CCDC187: variants seen among roughly 807,000 people sequenced by gnomAD.
CCDC187 encodes coiled-coil domain containing 187.
A neutral mutation model predicts 38.0 loss-of-function variants in CCDC187; 32 were observed. The ratio of observed to expected loss-of-function variants is 0.84; its 90% CI spans 0.64 to 1.13. The LOEUF (loss-of-function observed/expected upper bound fraction) is 1.13. Ranked by LOEUF, CCDC187 falls within the 50% of genes most tolerant of loss-of-function variation. CCDC187 has a pLI of 0.00. For missense variants in CCDC187, 707 were observed against 786.8 expected, an observed-to-expected ratio of 0.90 and a Z score of 1.21; for synonymous variants, 333 against 347.9, an observed-to-expected ratio of 0.96 and a Z score of 0.48.
rs1375124216 is a variant in CCDC187 at position 136,263,690 on chromosome 9, G to A, written c.3844C>T (p.Leu1282Phe). 2 of 985,444 alleles carry A rather than the reference G, an allele frequency of 2.0e-6. No individual in the cohort carries two copies. Among genetic ancestry groups the A allele is most frequent in the Non-Finnish European group, 2.4e-6 (2 of 829,918 alleles). The allele number at this position is 985,444 out of a possible 1,614,324, so 61.0% of individuals were successfully genotyped here. A position where few individuals can be genotyped will look rare whatever the true frequency, so the allele number is the denominator to read the frequency against. Residue 1282 changes from leucine to phenylalanine, a missense_variant, in exon 18 of 26, where the codon CTC becomes TTC. By Grantham distance (22) the Leu-to-Phe change is conservative. Coordinates refer to ENST00000638797, the MANE Select transcript of CCDC187 (RefSeq NM_001378188.1). ...VVSMPGPVDILPIPGPTDVVP... is the reference protein window; with the variant it reads ...VVSMPGPVDIFPIPGPTDVVP... Reference sequence around the variant, plus strand: ...ACGTCCGTGGGCCCCGGGATGGGGAGGATGTCCACAGGCCCCGGCATGGAG... The same window carrying A: ...ACGTCCGTGGGCCCCGGGATGGGGAAGATGTCCACAGGCCCCGGCATGGAG...
intron 7 of CCDC187, 47 bp downstream of exon 7, chr9:136,289,912 C>CT (rs1295496177): frequency 2.3e-5 from 9 of 392,310 alleles, no homozygotes; most frequent in Non-Finnish European, 3.6e-5. Context: ...CTTGGCCCCC[C>CT]CCAAGGCCCC....
chr9:136,297,444 G>A (rs932153357), intron 4 of CCDC187, among the ~76,000 whole-genome samples: 11 of 152,132 alleles, frequency 7.2e-5, no homozygotes, highest in Non-Finnish European at 1.5e-4. Flanking sequence ...GTGTTTGGTG[G>A]ACTTTCACTT....
In CCDC187 at chr9:136,257,376, T is replaced by TATTATA. The variant is rs1436537777; in HGVS notation, c.4367-536_4367-535insTATAAT. On this transcript the variant is annotated intron_variant, in intron 22 of 25. Transcript: ENST00000638797. The surrounding 1 kb of genome is among the most constrained non-coding windows in gnomAD (Gnocchi z 4.5). ...AGAGAGTGAGACTTTGTCTCAAAAT[T>TATTATA]ATAATAATAATAATAATAATAATAA... 5.4e-5 allele frequency among the ~76,000 whole-genome samples: 8 copies of TATTATA among 147,036 alleles called. No homozygotes were observed. Among genetic ancestry groups the TATTATA allele is most frequent in the African/African-American group, 1.7e-4 (7 of 40,010 alleles).
Position 136,257,784 on chromosome 9 carries a change from C to T in CCDC187, c.4367-943G>A, listed in dbSNP as rs1588649531. 1.3e-5 allele frequency among the ~76,000 whole-genome samples: 2 copies of T among 152,254 alleles called. No homozygotes were observed. Among genetic ancestry groups the T allele is most frequent in the South Asian group, 2.1e-4 (1 of 4,836 alleles). On this transcript the variant is annotated intron_variant, in intron 22 of 25. Coordinates refer to ENST00000638797, the MANE Select transcript of CCDC187 (RefSeq NM_001378188.1). The surrounding 1 kb of genome is among the most constrained non-coding windows in gnomAD (Gnocchi z 4.5). Reference sequence around the variant, plus strand: ...CAGTGGGAACACCTGCCCTCTTGTCCGTGGCTCCGGGTGACCCCAGCGACC... The same window carrying T: ...CAGTGGGAACACCTGCCCTCTTGTCTGTGGCTCCGGGTGACCCCAGCGACC...
chr9:136,291,422 C>A lies in CCDC187; in HGVS notation c.1191G>T (p.Glu397Asp). Residue 397 changes from glutamate (E) to aspartate (D), a missense_variant, in exon 6 of 26, where the codon GAG becomes GAT. Transcript: ENST00000638797. Reference protein sequence around the residue: ...ELAQARKGGQELGPSKRRLQD... With the variant: ...ELAQARKGGQDLGPSKRRLQD... ...GCAGCCTCCGCTTTGATGGCCCGAG[C>A]TCTTGCCCTCCCTTGCGGGCCTGGG... 1 of 398,958 alleles carries A rather than the reference C, an allele frequency of 2.5e-6. No homozygotes were observed. The highest frequency in any genetic ancestry group is 4.4e-6 in the Non-Finnish European group (1 of 226,290). The allele number at this position is 398,958 out of a possible 1,614,324, so 24.7% of individuals were successfully genotyped here. A position where few individuals can be genotyped will look rare whatever the true frequency, so the allele number is the denominator to read the frequency against.
chr9:136,279,414 CT>C (rs2131236665), intron 10 of CCDC187, among the ~76,000 whole-genome samples: 1 of 152,328 alleles, frequency 6.6e-6, no homozygotes, highest in South Asian at 2.1e-4. Context: ...GCCTGTCCCC[CT>C]GGGGCTACTG....
At chr9:136,289,841 T>C in intron 7 of CCDC187, 118 bp downstream of exon 7, 1 of 394,274 alleles carries the variant, frequency 2.5e-6, no homozygotes, top group South Asian at 1.4e-4. Context: ...CTGCCCCACC[T>C]GAGGAGCCTC....
chr9:136,254,575 C>A lies in CCDC187; in HGVS notation c.5253G>T (p.Gly1751=). The change falls in exon 26 of 26, where the codon GGG becomes GGT. Residue 1751 remains glycine, a synonymous_variant. Transcript: ENST00000638797. ...PFPDIPSPRS[G]SELSEASSKV... ...TGCTGGAGGCCTCTGACAGCTCTGA[C>A]CCTGACCTTGGAGAGGGGATGTCTG... 1.0e-6 allele frequency: 1 copy of A among 985,612 alleles called. No individual in the cohort carries two copies. Among genetic ancestry groups the A allele is most frequent in the South Asian group, 4.7e-5 (1 of 21,294 alleles). The allele number at this position is 985,612 out of a possible 1,614,324, so 61.1% of individuals were successfully genotyped here.
intron 10 of CCDC187, among the ~76,000 whole-genome samples, chr9:136,279,282 C>G (rs1053983051): frequency 0.038 from 5,527 of 147,192 alleles, 104 homozygotes; most frequent in Admixed American, 0.051. Context: ...GACAGCTCTG[C>G]TCTGGGTGTT....
intron 4 of CCDC187, among the ~76,000 whole-genome samples, chr9:136,292,812 G>A (rs1216988268): frequency 2.0e-5 from 3 of 152,244 alleles, no homozygotes; most frequent in African/African-American, 7.2e-5. Flanking sequence ...AGCCAGCAGA[G>A]CCAGCAGTCA....
intron 15 of CCDC187, 33 bp from the exon 16 acceptor site, chr9:136,267,544 C>G: frequency 1.0e-6 from 1 of 985,694 alleles, no homozygotes; most frequent in Non-Finnish European, 1.2e-6. Context: ...GCCCCTAAAG[C>G]TCTGGGTTCG....
At chr9:136,271,955 C>T (rs1004899475) in intron 14 of CCDC187, among the ~76,000 whole-genome samples, 3 of 151,994 alleles carry the variant, frequency 2.0e-5, no homozygotes, top group South Asian at 2.1e-4. Context: ...GATGTACTGA[C>T]GAACCAAGAA....
chr9:136,256,997 T>C (rs1009569293), intron 22 of CCDC187, among the ~76,000 whole-genome samples, 156 bp from the exon 23 acceptor site: 5 of 152,234 alleles, frequency 3.3e-5, no homozygotes, highest in Non-Finnish European at 5.9e-5. Context: ...GAAACATACA[T>C]GGTAGTTTGC....
Position 136,263,766 on chromosome 9 carries a change from C to G in CCDC187, c.3768G>C (p.Leu1256=). Reference sequence around the variant, plus strand: ...GCAGCTTCCTGTCCCGGTGCCTGAACAGCTGCGTGTGTCTCAGGTATTGGA... The same window carrying G: ...GCAGCTTCCTGTCCCGGTGCCTGAAGAGCTGCGTGTGTCTCAGGTATTGGA... The part of the protein sequence containing the change: ...REIQYLRHTQ[L]FRHRDRKLLL... Residue 1256 remains leucine, a synonymous_variant, in exon 18 of 26, where the codon CTG becomes CTC. Transcript: ENST00000638797. 1.0e-6 allele frequency: 1 copy of G among 985,496 alleles called. No individual in the cohort carries two copies. The allele number at this position is 985,496 out of a possible 1,614,324, so 61.0% of individuals were successfully genotyped here. A position where few individuals can be genotyped will look rare whatever the true frequency, so the allele number is the denominator to read the frequency against.
At chr9:136,289,537 AAAAAAG>A (rs1831261613) in intron 7 of CCDC187, among the ~76,000 whole-genome samples, 2 of 151,278 alleles carry the variant, frequency 1.3e-5, no homozygotes, top group Non-Finnish European at 3.0e-5. Context: ...AAAAAAAAAA[AAAAAAG>A]AATAGGCAAA....
intron 4 of CCDC187, among the ~76,000 whole-genome samples, chr9:136,293,399 TCA>T (rs1393316787): frequency 1.4e-5 from 1 of 69,196 alleles, no homozygotes; most frequent in African/African-American, 5.6e-5. Context: ...GCTCACACAC[TCA>T]CAAACACTCA....
At chr9:136,280,520 G>A (rs1056859502) in intron 10 of CCDC187, among the ~76,000 whole-genome samples, 263 of 152,244 alleles carry the variant, frequency 1.7e-3, no homozygotes, top group African/African-American at 6.1e-3. Flanking sequence ...ACACATGCAC[G>A]TGCACACACA....
intron 14 of CCDC187, among the ~76,000 whole-genome samples, chr9:136,271,684 T>C (rs1641159004): frequency 7.0e-6 from 1 of 143,078 alleles, no homozygotes; most frequent in Non-Finnish European, 1.5e-5. Context: ...CTCGGCTCAC[T>C]GCAAGCTCCG....
At chr9:136,279,734 A>C (rs941460561) in intron 10 of CCDC187, among the ~76,000 whole-genome samples, 3 of 152,222 alleles carry the variant, frequency 2.0e-5, no homozygotes, top group Non-Finnish European at 1.5e-5. Flanking sequence ...GGGAAGAGAA[A>C]AGGTGCTGCT....
Sources: gnomAD v4.1 joint callset for allele counts (sites outside exome capture counted in the v4.1 genomes callset) on GRCh38, gnomAD v4.1.1 for gene constraint, Gnocchi (gnomAD v3.1) non-coding constraint, MANE v1.5 for transcripts, NCBI Gene and HGNC (gene_info 2026-07-23, HGNC 2026-07-21) for gene names.